The following CHN1 variants were observed in gnomAD, a reference collection of about 807,000 sequenced individuals.
The protein encoded by CHN1 is N-chimaerin.
In CHN1, 37 loss-of-function variants were observed where a neutral mutation model predicts 59.5. That is an observed-to-expected ratio of 0.62 (90% confidence interval 0.48 to 0.82). CHN1 has a LOEUF of 0.82. Among genes scored for constraint, CHN1 ranks in the 40% least tolerant of loss-of-function variants. CHN1 has a pLI of 0.00. For synonymous variants in CHN1, 206 were observed against 200.4 expected, an observed-to-expected ratio of 1.03 and a Z score of -0.24; for missense variants, 469 against 571.0, an observed-to-expected ratio of 0.82 and a Z score of 1.82.
chr2:174,863,473 A>G (rs1170571803), intron 6 of CHN1, among the ~76,000 whole-genome samples: 1 of 152,184 alleles, frequency 6.6e-6, no homozygotes, highest in East Asian at 1.9e-4. Context: ...CAGAAATGTA[A>G]AACACTGCTA....
intron 2 of CHN1, chr2:174,945,172 T>C: frequency 1.9e-6 from 1 of 527,158 alleles, no homozygotes; most frequent in Non-Finnish European, 3.5e-6. Context: ...CTTTTTACCT[T>C]ATAACAAGTC....
At chr2:174,817,243 T>A (rs1438697651) in intron 8 of CHN1, among the ~76,000 whole-genome samples, 2 of 152,250 alleles carry the variant, frequency 1.3e-5, no homozygotes, top group East Asian at 3.8e-4. Flanking sequence ...TGCTATATTT[T>A]ACCCAAATGA....
chr2:174,811,841 TTCA>T (rs1558933346), intron 9 of CHN1, among the ~76,000 whole-genome samples: 1 of 152,206 alleles, frequency 6.6e-6, no homozygotes. Context: ...AGGGAAATAA[TTCA>T]TCACCCCAAT....
intron 5 of CHN1, among the ~76,000 whole-genome samples, chr2:174,894,100 G>T (rs756258847): frequency 5.3e-5 from 8 of 151,050 alleles, no homozygotes; most frequent in Non-Finnish European, 1.0e-4. Context: ...AGTAACAAGA[G>T]CAAAAACAGA....
chr2:174,939,039 T>C (rs1574189060), intron 3 of CHN1, among the ~76,000 whole-genome samples: 3 of 152,168 alleles, frequency 2.0e-5, no homozygotes, highest in Admixed American at 6.5e-5. Context: ...TACAATTTGC[T>C]TTTCTGGTTT....
intron 7 of CHN1, among the ~76,000 whole-genome samples, chr2:174,836,544 C>T (rs1686087474): frequency 6.6e-6 from 1 of 152,174 alleles, no homozygotes; most frequent in African/African-American, 2.4e-5. Flanking sequence ...GCACATCTCA[C>T]CCAGCAAAGT....
At chr2:174,843,972 C>CTG (rs1320868323) in intron 7 of CHN1, among the ~76,000 whole-genome samples, 2 of 127,362 alleles carry the variant, frequency 1.6e-5, no homozygotes, top group East Asian at 4.4e-4. Flanking sequence ...CTCTCTCTTT[C>CTG]TCTGTGTGTG....
At chr2:174,975,830 A>G (rs1690905947) in intron 1 of CHN1, among the ~76,000 whole-genome samples, 1 of 152,010 alleles carries the variant, frequency 6.6e-6, no homozygotes, top group Non-Finnish European at 1.5e-5. Context: ...TTTGGGATAT[A>G]TATCTTTAAA....
intron 6 of CHN1, among the ~76,000 whole-genome samples, chr2:174,865,884 C>T (rs961136922): frequency 6.6e-5 from 10 of 152,260 alleles, no homozygotes; most frequent in African/African-American, 2.2e-4. Context: ...ATTATGGCAG[C>T]TAGAAGGGAC....
intron 5 of CHN1, among the ~76,000 whole-genome samples, chr2:174,878,361 T>C (rs1312454585): frequency 1.3e-5 from 2 of 152,206 alleles, no homozygotes; most frequent in South Asian, 2.1e-4. Context: ...ATGCCTACCA[T>C]AGAAATAATT....
chr2:174,914,999 G>T, intron 5 of CHN1, 59 bp downstream of exon 5: 1 of 973,322 alleles, frequency 1.0e-6, no homozygotes, highest in Non-Finnish European at 1.5e-6. Flanking sequence ...AAAATTTAAA[G>T]CCCTATATTA....
intron 1 of CHN1, among the ~76,000 whole-genome samples, chr2:174,988,805 G>A (rs866514463): frequency 6.6e-6 from 1 of 152,050 alleles, no homozygotes; most frequent in Non-Finnish European, 1.5e-5. Context: ...TTTGAAAGAA[G>A]GTGTATATTG....
chr2:174,984,451 C>T (rs912611794), intron 1 of CHN1, among the ~76,000 whole-genome samples: 4 of 150,668 alleles, frequency 2.7e-5, no homozygotes, highest in Admixed American at 2.7e-4. Context: ...TCATTGCAAC[C>T]TCTGCCTCTC....
In CHN1 at chr2:174,865,912, A is replaced by C. The variant is rs77070365; in HGVS notation, c.549+11928T>G. ...GAAGGGACCTTGTGGTCATCTATGA[A>C]GCTGAGTCCTTCATTTTACTATTGA... On this transcript the variant is annotated intron_variant, in intron 6 of 12. Coordinates refer to ENST00000409900, the MANE Select transcript of CHN1 (RefSeq NM_001822.7). 7.5e-3 allele frequency among the ~76,000 whole-genome samples: 1,138 copies of C among 152,304 alleles called. 35 individuals carry two copies. Among genetic ancestry groups the C allele is most frequent in the East Asian group, 0.02 (105 of 5,180 alleles).
intron 7 of CHN1, among the ~76,000 whole-genome samples, chr2:174,841,218 G>T (rs1574077087): frequency 6.6e-6 from 1 of 152,134 alleles, no homozygotes; most frequent in East Asian, 1.9e-4. Flanking sequence ...GGATCTGAAT[G>T]ACTTGTACTC....
intron 3 of CHN1, among the ~76,000 whole-genome samples, chr2:174,936,609 T>C (rs1316335637): frequency 1.3e-5 from 2 of 152,106 alleles, no homozygotes; most frequent in East Asian, 3.8e-4. Flanking sequence ...TAATAGTATA[T>C]ATTTTACATT....
intron 7 of CHN1, among the ~76,000 whole-genome samples, chr2:174,827,440 TGA>T (rs1685726407): frequency 6.6e-6 from 1 of 152,022 alleles, no homozygotes; most frequent in South Asian, 2.1e-4. Flanking sequence ...ACACGAGGCA[TGA>T]GAGAAACAAT....
At chr2:174,840,021 C>G (rs576546509) in intron 7 of CHN1, among the ~76,000 whole-genome samples, 3 of 152,116 alleles carry the variant, frequency 2.0e-5, no homozygotes, top group Non-Finnish European at 2.9e-5. Context: ...ATACTCACTT[C>G]TGACTGTCAT....
chr2:174,936,811 C>A (rs1689512003), intron 3 of CHN1, among the ~76,000 whole-genome samples: 3 of 152,100 alleles, frequency 2.0e-5, no homozygotes, highest in Non-Finnish European at 4.4e-5. Context: ...ACAACTGTAT[C>A]ATGTAGCAAC....
Sources: allele counts gnomAD v4.1 joint callset (sites outside exome capture counted in the v4.1 genomes callset), GRCh38; gene constraint gnomAD v4.1.1; transcripts MANE v1.5; gene names NCBI Gene and HGNC (gene_info 2026-07-23, HGNC 2026-07-21).